The following PRKCB variants were observed in gnomAD, a reference collection of about 807,000 sequenced individuals.
PRKCB encodes the protein protein kinase C beta type.
Under a neutral mutation model 81.5 loss-of-function variants are expected in PRKCB, and 13 were observed. The ratio of observed to expected loss-of-function variants is 0.16; its 90% CI spans 0.10 to 0.25. PRKCB has a LOEUF of 0.25. Among genes scored for constraint, PRKCB ranks in the 10% least tolerant of loss-of-function variants. The pLI, the probability that PRKCB is intolerant of heterozygous loss-of-function variation, is 1.00. For missense variants in PRKCB, 509 were observed against 875.7 expected (o/e 0.58, Z 5.29); for synonymous variants, 335 against 321.4 (o/e 1.04, Z -0.45).
intron 3 of PRKCB, among the ~76,000 whole-genome samples, chr16:24,016,970 T>C (rs1596513168): frequency 2.0e-5 from 3 of 152,186 alleles, no homozygotes; most frequent in Admixed American, 1.3e-4. Context: ...GTGCTGTAGG[T>C]TGGAATTTTT....
At chr16:23,862,814 G>A (rs1003974411) in intron 2 of PRKCB, among the ~76,000 whole-genome samples, 4 of 152,038 alleles carry the variant, frequency 2.6e-5, no homozygotes, top group Non-Finnish European at 5.9e-5. Flanking sequence ...GGGACTTGCT[G>A]GGCTGCATTC....
At chr16:24,109,362 T>G (rs7203573) in intron 7 of PRKCB, among the ~76,000 whole-genome samples, 1 of 54,880 alleles carries the variant, frequency 1.8e-5, no homozygotes, top group Non-Finnish European at 3.6e-5. Flanking sequence ...GGGCGGCTGC[T>G]AGGCGGAGGG....
intron 2 of PRKCB, among the ~76,000 whole-genome samples, chr16:23,966,486 C>G (rs1039800966): frequency 4.6e-5 from 7 of 152,112 alleles, no homozygotes; most frequent in Non-Finnish European, 1.0e-4. Context: ...ATTAAAGGAG[C>G]CAATATGTGG....
chr16:24,124,874 A>G (rs1201998594), intron 9 of PRKCB, among the ~76,000 whole-genome samples: 1 of 152,152 alleles, frequency 6.6e-6, no homozygotes, highest in Admixed American at 6.5e-5. Flanking sequence ...CCCCACAGCC[A>G]TGTACAATGC....
At chr16:24,198,808 C>G (rs1967915417) in intron 16 of PRKCB, among the ~76,000 whole-genome samples, 1 of 152,216 alleles carries the variant, frequency 6.6e-6, no homozygotes, top group Non-Finnish European at 1.5e-5. Flanking sequence ...TCAATGCTCT[C>G]TGGGCAGGGC....
intron 12 of PRKCB, 104 bp from the exon 13 acceptor site, chr16:24,180,686 C>A: frequency 7.2e-7 from 1 of 1,384,330 alleles, no homozygotes; most frequent in South Asian, 1.3e-5. Flanking sequence ...ACCTTTGTGC[C>A]CACACAACAC....
At chr16:24,093,766 T>C (rs775262018) in intron 6 of PRKCB, among the ~76,000 whole-genome samples, 8 of 152,158 alleles carry the variant, frequency 5.3e-5, no homozygotes, top group Non-Finnish European at 8.8e-5. Flanking sequence ...TTCCCCAGGA[T>C]TTTTCTCCAT....
At chr16:23,964,059 C>A (rs1476361493) in intron 2 of PRKCB, among the ~76,000 whole-genome samples, 1 of 152,168 alleles carries the variant, frequency 6.6e-6, no homozygotes, top group Non-Finnish European at 1.5e-5. Context: ...CATCTATAAC[C>A]CCACGGTCCA....
intron 2 of PRKCB, among the ~76,000 whole-genome samples, chr16:23,950,132 ATTTT>A (rs34117735): frequency 0.016 from 1,558 of 97,706 alleles, 129 homozygotes; most frequent in African/African-American, 0.058. Flanking sequence ...TATGATTTGA[ATTTT>A]TTTTTTTTTT....
intron 8 of PRKCB, among the ~76,000 whole-genome samples, chr16:24,122,207 A>C (rs553673233): frequency 3.3e-4 from 50 of 151,550 alleles, no homozygotes; most frequent in African/African-American, 1.1e-3. Flanking sequence ...CTCTGAGCAG[A>C]GGGAACAGCA....
chr16:24,094,656 A>G (rs915618773), intron 7 of PRKCB, among the ~76,000 whole-genome samples: 4 of 152,032 alleles, frequency 2.6e-5, no homozygotes, highest in African/African-American at 9.7e-5. Context: ...AGTTCCAGCT[A>G]CTCAGGAGGC....
chr16:24,135,919 T>C (rs1966863167), intron 9 of PRKCB, among the ~76,000 whole-genome samples: 1 of 152,222 alleles, frequency 6.6e-6, no homozygotes, highest in East Asian at 1.9e-4. Context: ...GGTTCACAGA[T>C]AGCTCAAAGT....
At chr16:24,159,660 G>A (rs1274011006) in intron 10 of PRKCB, among the ~76,000 whole-genome samples, 1 of 152,146 alleles carries the variant, frequency 6.6e-6, no homozygotes, top group Non-Finnish European at 1.5e-5. Context: ...TAACCTACCT[G>A]TGCCTTAACT....
At chr16:23,849,486 C>T (rs1249031106) in intron 2 of PRKCB, among the ~76,000 whole-genome samples, 2 of 152,040 alleles carry the variant, frequency 1.3e-5, no homozygotes, top group Non-Finnish European at 2.9e-5. Flanking sequence ...AAGATTTGAT[C>T]GTTATTTGGA....
rs546638229 is a variant in PRKCB at position 23,879,482 on chromosome 16, CTTTTTTTTTTTTTTTTTTT to C, written c.205+42094_205+42112del. ...CTTTGTTGTTGGTCCTTTAGCTATC[CTTTTTTTTTTTTTTTTTTT>C]TTTTTTTTTTTTTTTTTGAGACGGA... On this transcript the variant is annotated intron_variant, in intron 2 of 16. Coordinates refer to ENST00000643927, the MANE Select transcript of PRKCB (RefSeq NM_002738.7). Among the ~76,000 whole-genome samples the C allele has an allele frequency of 4.7e-4, 39 of 83,184 alleles. 1 individual carries two copies. Among genetic ancestry groups the C allele is most frequent in the South Asian group, 4.5e-3 (13 of 2,876 alleles). 54.6% of individuals were successfully genotyped at this position (83,184 alleles called of 152,430 possible). A position where few individuals can be genotyped will look rare whatever the true frequency, so the allele number is the denominator to read the frequency against.
chr16:24,036,884 G>A (rs891499532), intron 5 of PRKCB, among the ~76,000 whole-genome samples: 1 of 152,138 alleles, frequency 6.6e-6, no homozygotes, highest in Non-Finnish European at 1.5e-5. Context: ...AAATACACTC[G>A]TTCCAAAGCA....
At chr16:23,836,881 C>A (rs1172695629) in intron 1 of PRKCB, among the ~76,000 whole-genome samples, 2 of 151,998 alleles carry the variant, frequency 1.3e-5, no homozygotes, top group Admixed American at 6.5e-5. Flanking sequence ...ATTGCCCCTC[C>A]CCGAGGGCCT....
At chr16:24,174,258 C>T (rs1310693986) in intron 11 of PRKCB, 5 of 392,612 alleles carry the variant, frequency 1.3e-5, no homozygotes, top group Non-Finnish European at 1.8e-5. Context: ...TCCAGTTCAT[C>T]ATATCCCATG....
At chr16:24,105,046 C>A (rs1170195841) in intron 7 of PRKCB, among the ~76,000 whole-genome samples, 3 of 137,410 alleles carry the variant, frequency 2.2e-5, no homozygotes, top group African/African-American at 5.5e-5. Context: ...ACAAGCGGCA[C>A]GTTGTTGGAT....
Sources: allele counts gnomAD v4.1 joint callset (sites outside exome capture counted in the v4.1 genomes callset), GRCh38; gene constraint gnomAD v4.1.1; transcripts MANE v1.5; gene names NCBI Gene and HGNC (gene_info 2026-07-23, HGNC 2026-07-21).